RASSF3: variants seen among roughly 807,000 people sequenced by gnomAD.
RASSF3 encodes the protein Ras association domain family member 3, also known as ras association domain-containing protein 3.
A neutral mutation model predicts 19.9 loss-of-function variants in RASSF3; 19 were observed. The ratio of observed to expected loss-of-function variants is 0.96; its 90% confidence interval spans 0.67 to 1.40. The LOEUF is 1.40. RASSF3 is among the 40% of genes most tolerant of loss of function. The pLI is 0.00. For synonymous variants in RASSF3, 110 were observed against 104.2 expected (o/e 1.06, Z -0.34); for missense variants, 306 against 289.8 (o/e 1.06, Z -0.41).
At chr12:64,606,704 A>T (rs1870199665), upstream of RASSF3, among the ~76,000 whole-genome samples, 1 of 152,076 alleles carries the variant, frequency 6.6e-6, no homozygotes, top group Admixed American at 6.6e-5. Flanking sequence ...AATCCTAGCT[A>T]CTCGGGAGGC....
chr12:64,633,502 TTCCTTTCACCTCCTGAGGTCCTCCTGAGG>T (rs1418446381), intron 1 of RASSF3, among the ~76,000 whole-genome samples: 1 of 152,180 alleles, frequency 6.6e-6, no homozygotes, highest in Admixed American at 6.5e-5. Context: ...GCTTCCCCTT[TTCCTTTCACCTCCTGAGGTCCTCCTGAGG>T]TCCTCACCAG....
chr12:64,680,957 G>T (rs954798199), intron 1 of RASSF3, among the ~76,000 whole-genome samples: 2 of 152,072 alleles, frequency 1.3e-5, no homozygotes, highest in African/African-American at 4.8e-5. Context: ...TAATTGTTAC[G>T]TAAGGATGTC....
At chr12:64,567,728 A>G in intron 2 of RASSF3, among the ~76,000 whole-genome samples, 1 of 152,228 alleles carries the variant, frequency 6.6e-6, no homozygotes, top group Admixed American at 6.5e-5. Flanking sequence ...CCCTGATAAG[A>G]GTCTCACAAG....
At chr12:64,530,592 G>A (rs935320438), upstream of RASSF3, among the ~76,000 whole-genome samples, 2 of 152,174 alleles carry the variant, frequency 1.3e-5, no homozygotes, top group African/African-American at 4.8e-5. Context: ...ATATGTAGGA[G>A]TAGAATGGCT....
intron 1 of RASSF3, among the ~76,000 whole-genome samples, chr12:64,535,351 A>T (rs1868801845): frequency 6.6e-6 from 1 of 152,014 alleles, no homozygotes; most frequent in East Asian, 1.9e-4. Flanking sequence ...ATTTACAATA[A>T]GGGATAAATA....
At chr12:64,672,558 CTGT>C (rs1872734750) in intron 1 of RASSF3, among the ~76,000 whole-genome samples, 2 of 152,106 alleles carry the variant, frequency 1.3e-5, no homozygotes, top group Non-Finnish European at 2.9e-5. Context: ...GGATCTTGCT[CTGT>C]TGCCCAGGCT....
At chr12:64,536,686 TTAAA>T (rs375730241) in intron 1 of RASSF3, among the ~76,000 whole-genome samples, 36 of 152,382 alleles carry the variant, frequency 2.4e-4, no homozygotes, top group Non-Finnish European at 4.6e-4. Context: ...TATTTTGAAT[TTAAA>T]TAAGGAATTA....
chr12:64,626,275 C>G (rs1440976770), intron 1 of RASSF3, among the ~76,000 whole-genome samples: 17 of 152,074 alleles, frequency 1.1e-4, no homozygotes, highest in Admixed American at 9.8e-4. Context: ...TGGCTCACGC[C>G]TGTAATCCCA....
chr12:64,525,198 C>T (rs1023506571), intron 1 of RASSF3, among the ~76,000 whole-genome samples: 4 of 152,144 alleles, frequency 2.6e-5, no homozygotes, highest in African/African-American at 9.7e-5. Flanking sequence ...ATCACTTGAA[C>T]CTGGAAAGCC....
chr12:64,526,042 C>T (rs1441417764), intron 1 of RASSF3, among the ~76,000 whole-genome samples: 4 of 152,166 alleles, frequency 2.6e-5, no homozygotes, highest in African/African-American at 9.7e-5. Flanking sequence ...TCATTTCTCA[C>T]TATGAGACTG....
chr12:64,597,746 A>G (rs1260267802), intron 2 of RASSF3, among the ~76,000 whole-genome samples: 1 of 151,688 alleles, frequency 6.6e-6, no homozygotes, highest in Admixed American at 6.6e-5. Context: ...GCATGCGCCA[A>G]CCACACCTAG....
chr12:64,615,027 G>A (rs901013236), intron 1 of RASSF3, among the ~76,000 whole-genome samples: 12 of 152,108 alleles, frequency 7.9e-5, no homozygotes, highest in Non-Finnish European at 1.5e-5. Context: ...TCCCTGACCT[G>A]CATATAGTCA....
At chr12:64,677,013 C>G (rs923537850) in intron 1 of RASSF3, among the ~76,000 whole-genome samples, 1 of 152,134 alleles carries the variant, frequency 6.6e-6, no homozygotes, top group African/African-American at 2.4e-5. Context: ...AAGGATCCAC[C>G]TGCCTTGGCC....
intron 1 of RASSF3, among the ~76,000 whole-genome samples, chr12:64,616,350 C>A (rs1870550254): frequency 6.6e-6 from 1 of 152,162 alleles, no homozygotes; most frequent in African/African-American, 2.4e-5. Context: ...TCTTTTTAGA[C>A]TTCCTTTGGC....
chr12:64,533,622 C>T (rs1410533660), intron 1 of RASSF3: 1 of 152,188 alleles, frequency 6.6e-6, no homozygotes, highest in African/African-American at 2.4e-5. Flanking sequence ...CAGCTTCTTT[C>T]TATTACCGGA....
rs552395986 is a variant in RASSF3 at position 64,684,728 on chromosome 12, G to C, written c.112-59G>C. ...TTACAGGCGTGAGCCACTGCGCCCG[G>C]CCTATCCGCACTTTTTTTTATGATT... is the stretch of plus-strand genomic sequence containing the variant. On this transcript the variant is annotated intron_variant, in intron 1 of 4. Coordinates refer to ENST00000542104, the MANE Select transcript of RASSF3 (RefSeq NM_178169.4). The C allele has an allele frequency of 2.9e-5, 34 of 1,181,408 alleles. No individual in the cohort carries two copies. In the Admixed American group the frequency reaches 5.8e-4, roughly 20 times the overall value. 73.2% of individuals were successfully genotyped at this position (1,181,408 alleles called of 1,614,324 possible).
At chr12:64,507,958 G>C (rs1270377439) in intron 1 of RASSF3, among the ~76,000 whole-genome samples, 1 of 152,150 alleles carries the variant, frequency 6.6e-6, no homozygotes, top group Non-Finnish European at 1.5e-5. Flanking sequence ...TCTGGTATCT[G>C]AAGTTCCTGC....
downstream of RASSF3, among the ~76,000 whole-genome samples, chr12:64,545,528 AG>A (rs1261987187): frequency 6.6e-6 from 1 of 152,240 alleles, no homozygotes; most frequent in Non-Finnish European, 1.5e-5. Flanking sequence ...AGAGAGTGCC[AG>A]ATTTGATTTG....
chr12:64,581,358 A>G (rs1280555800), intron 2 of RASSF3, among the ~76,000 whole-genome samples: 5 of 152,196 alleles, frequency 3.3e-5, no homozygotes, highest in Admixed American at 3.3e-4. Flanking sequence ...AACTTAAAAC[A>G]TCAGGTTAGT....
Sources: allele counts gnomAD v4.1 joint callset (sites outside exome capture counted in the v4.1 genomes callset), GRCh38; gene constraint gnomAD v4.1.1; transcripts MANE v1.5; gene names NCBI Gene and HGNC (gene_info 2026-07-23, HGNC 2026-07-21).